CDH13: variants seen among roughly 807,000 people sequenced by gnomAD.
The protein encoded by CDH13 is cadherin 13.
CDH13 carries 24 observed loss-of-function variants against 63.8 expected under a neutral mutation model. The ratio of observed to expected loss-of-function variants is 0.38; its 90% CI spans 0.27 to 0.53. The LOEUF (loss-of-function observed/expected upper bound fraction) is 0.53. CDH13 is among the 20% of genes least tolerant of loss of function. CDH13 has a pLI of 0.85. For synonymous variants in CDH13, 503 were observed against 355.3 expected, an observed-to-expected ratio of 1.42 and a Z score of -4.67; for missense variants, 1,049 against 903.1, an observed-to-expected ratio of 1.16 and a Z score of -2.07.
intron 2 of CDH13, among the ~76,000 whole-genome samples, chr16:82,923,079 C>G (rs1224248376): frequency 6.6e-6 from 1 of 152,060 alleles, no homozygotes; most frequent in African/African-American, 2.4e-5. Context: ...GACATAGAGA[C>G]TCAAAGAACA....
At chr16:82,707,101 A>T (rs1161668188) in intron 1 of CDH13, among the ~76,000 whole-genome samples, 2 of 152,224 alleles carry the variant, frequency 1.3e-5, no homozygotes, top group Non-Finnish European at 2.9e-5. Flanking sequence ...AGTCACAGGC[A>T]GGTTGTTTTG....
At chr16:82,641,909 T>G (rs1909446772) in intron 1 of CDH13, among the ~76,000 whole-genome samples, 1 of 151,980 alleles carries the variant, frequency 6.6e-6, no homozygotes, top group African/African-American at 2.4e-5. Flanking sequence ...CCATGAAGAA[T>G]GAGAAAGCAG....
chr16:83,021,222 A>G (rs1299815303), intron 2 of CDH13, among the ~76,000 whole-genome samples: 1 of 152,156 alleles, frequency 6.6e-6, no homozygotes, highest in African/African-American at 2.4e-5. Context: ...GGGAGTTTCA[A>G]ATCTGCTTAG....
At chr16:82,829,092 G>C (rs1372964585) in intron 1 of CDH13, among the ~76,000 whole-genome samples, 1 of 152,192 alleles carries the variant, frequency 6.6e-6, no homozygotes, top group Non-Finnish European at 1.5e-5. Flanking sequence ...GTGGTCCATG[G>C]AGACTGGTTG....
chr16:83,468,312 C>T lies in CDH13; in HGVS notation c.782-18165C>T, dbSNP rs533941537. ...CACAGAAGCACAGGCAAGGTGAAGG[C>T]AGGGCAGAGAGAGATGTGGCCGCCA... On this transcript the variant is annotated intron_variant, in intron 6 of 13. Coordinates refer to ENST00000567109, the MANE Select transcript of CDH13 (RefSeq NM_001257.5). 2.6e-5 allele frequency among the ~76,000 whole-genome samples: 4 copies of T among 152,200 alleles called. No homozygotes were observed. In the East Asian group the frequency reaches 7.8e-4, roughly 29 times the overall value.
chr16:83,115,570 C>G (rs2035253613), intron 3 of CDH13, among the ~76,000 whole-genome samples: 1 of 152,234 alleles, frequency 6.6e-6, no homozygotes, highest in Non-Finnish European at 1.5e-5. Context: ...TCGCTATTGC[C>G]TTGGAAGCAA....
chr16:83,461,821 A>T (rs113404962), intron 6 of CDH13, among the ~76,000 whole-genome samples: 11 of 152,342 alleles, frequency 7.2e-5, no homozygotes, highest in African/African-American at 2.4e-4. Context: ...CTATAGTGGA[A>T]CTTCGAGGTT....
chr16:83,667,027 ATGGGTGGATGG>A (rs1914035243), intron 8 of CDH13, among the ~76,000 whole-genome samples: 2 of 47,366 alleles, frequency 4.2e-5, no homozygotes, highest in Admixed American at 2.7e-4. Flanking sequence ...GGATGGATGG[ATGGGTGGATGG>A]ATGAATGGAA....
chr16:83,752,734 C>G (rs1243450253), intron 11 of CDH13, among the ~76,000 whole-genome samples: 4 of 152,146 alleles, frequency 2.6e-5, no homozygotes, highest in Admixed American at 2.0e-4. Flanking sequence ...GTCTCATTTT[C>G]TACATATACA....
chr16:82,788,014 C>T (rs935917883), intron 1 of CDH13, among the ~76,000 whole-genome samples: 2 of 152,136 alleles, frequency 1.3e-5, no homozygotes, highest in Non-Finnish European at 2.9e-5. Context: ...TGCTACACAC[C>T]ATTCATAAGA....
chr16:83,548,225 G>A (rs897222636), intron 7 of CDH13, among the ~76,000 whole-genome samples: 1 of 152,150 alleles, frequency 6.6e-6, no homozygotes, highest in Non-Finnish European at 1.5e-5. Context: ...AAACTCAACA[G>A]GCCTTGGTGA....
chr16:83,173,863 G>T (rs1194122314), intron 4 of CDH13, among the ~76,000 whole-genome samples: 2 of 151,884 alleles, frequency 1.3e-5, no homozygotes, highest in Non-Finnish European at 1.5e-5. Context: ...GCCACCCTGG[G>T]GTTCCTATCA....
At chr16:83,256,545 C>A (rs1319179094) in intron 5 of CDH13, among the ~76,000 whole-genome samples, 2 of 151,704 alleles carry the variant, frequency 1.3e-5, no homozygotes, top group Non-Finnish European at 2.9e-5. Flanking sequence ...CAAGAAGTTT[C>A]CAGTGGCCAG....
intron 1 of CDH13, among the ~76,000 whole-genome samples, chr16:82,792,145 A>G (rs1174009674): frequency 1.3e-5 from 2 of 152,118 alleles, no homozygotes; most frequent in Non-Finnish European, 2.9e-5. Flanking sequence ...TCTCTGAGCC[A>G]TCCCCGGTTC....
chr16:83,066,937 G>A (rs1205262985), intron 3 of CDH13, among the ~76,000 whole-genome samples: 1 of 152,168 alleles, frequency 6.6e-6, no homozygotes, highest in African/African-American at 2.4e-5. Context: ...GGTTCAGACT[G>A]TCTTTGTCAC....
intron 1 of CDH13, among the ~76,000 whole-genome samples, chr16:82,818,751 A>G (rs2037852020): frequency 2.0e-5 from 3 of 152,202 alleles, no homozygotes; most frequent in Admixed American, 6.5e-5. Context: ...GGCAGCATGC[A>G]GGTCATCTAG....
At chr16:83,706,733 A>T (rs1293571867) in intron 10 of CDH13, among the ~76,000 whole-genome samples, 2 of 152,218 alleles carry the variant, frequency 1.3e-5, no homozygotes, top group Non-Finnish European at 2.9e-5. Flanking sequence ...AGCAAAGAAA[A>T]ATAGGATGAA....
intron 4 of CDH13, chr16:83,171,679 C>A: frequency 1.1e-6 from 1 of 895,350 alleles, no homozygotes. Flanking sequence ...AAATAGCATG[C>A]TCTTTGGCAG....
At chr16:83,082,946 T>G (rs1336605288) in intron 3 of CDH13, among the ~76,000 whole-genome samples, 1 of 151,390 alleles carries the variant, frequency 6.6e-6, no homozygotes, top group East Asian at 2.0e-4. Flanking sequence ...ACAGTGTGTT[T>G]TAAACGGTGT....
Sources: gnomAD v4.1 joint callset for allele counts (sites outside exome capture counted in the v4.1 genomes callset) on GRCh38, gnomAD v4.1.1 for gene constraint, MANE v1.5 for transcripts, NCBI Gene and HGNC (gene_info 2026-07-23, HGNC 2026-07-21) for gene names.